Variants in LAMA2 observed in about 807,000 individuals in gnomAD.
The protein encoded by LAMA2 is laminin subunit alpha 2.
A neutral mutation model predicts 364.8 loss-of-function variants in LAMA2; 269 were observed. That is an observed-to-expected ratio of 0.74 (90% CI 0.67 to 0.82). LAMA2 has a LOEUF of 0.82. Among genes scored for constraint, LAMA2 ranks in the 40% least tolerant of loss-of-function variants. The probability of loss-of-function intolerance (pLI) is 0.00; values close to 1 mark genes in which losing one functional copy is unlikely to be tolerated. For missense variants in LAMA2, 3,807 were observed against 3,873.2 expected (o/e 0.98, Z 0.45); for synonymous variants, 1,379 against 1,370.6 (o/e 1.01, Z -0.14).
rs142989915 is a variant in LAMA2 at position 129,280,043 on chromosome 6, G to A, written c.2451-18G>A. On this transcript the variant is annotated intron_variant, in intron 17 of 64. Transcript: ENST00000421865. ...TCCTTCTTCCTTGTCCCTGTTTTCC[G>A]CAACAACATCAACATAGCTTTAGCC... is the stretch of plus-strand genomic sequence containing the variant. 2.5e-5 allele frequency: 39 copies of A among 1,573,122 alleles called. No homozygotes were observed. The highest frequency in any genetic ancestry group is 1.1e-4 in the East Asian group (5 of 44,680).
chr6:129,440,678 G>C (rs555452944), intron 42 of LAMA2, 138 bp from the exon 43 acceptor site: 3 of 798,890 alleles, frequency 3.8e-6, no homozygotes, highest in Admixed American at 2.0e-5. Flanking sequence ...TGCTACACCT[G>C]AATGAGACAA....
intron 13 of LAMA2, among the ~76,000 whole-genome samples, chr6:129,251,439 G>A (rs1786235462): frequency 6.6e-6 from 1 of 151,968 alleles, no homozygotes; most frequent in African/African-American, 2.4e-5. Context: ...TTCAATTCAA[G>A]GTGTTTGTAA....
At chr6:128,975,038 G>C (rs1313349060) in intron 1 of LAMA2, among the ~76,000 whole-genome samples, 4 of 152,038 alleles carry the variant, frequency 2.6e-5, no homozygotes, top group Non-Finnish European at 5.9e-5. Context: ...ATTTTTAGTA[G>C]AGACGAGGTT....
chr6:129,200,339 C>CACATATACATGT lies in LAMA2; in HGVS notation c.1782+7486_1782+7487insACATATACATGT, dbSNP rs1562324515. Among the ~76,000 whole-genome samples the CACATATACATGT allele has an allele frequency of 7.4e-3, 866 of 116,832 alleles. 108 individuals are homozygous for CACATATACATGT. The highest frequency in any genetic ancestry group is 9.7e-3 in the Middle Eastern group (2 of 206). 76.6% of individuals were successfully genotyped at this position (116,832 alleles called of 152,430 possible). A position where few individuals can be genotyped will look rare whatever the true frequency, so the allele number is the denominator to read the frequency against. ...ATACGTGTACACATATACATATACA[C>CACATATACATGT]GTATATGTGTACACATATACATATA... On this transcript the variant is annotated intron_variant, in intron 12 of 64. Coordinates refer to ENST00000421865, the MANE Select transcript of LAMA2 (RefSeq NM_000426.4).
intron 29 of LAMA2, among the ~76,000 whole-genome samples, chr6:129,331,663 T>C (rs1049142214): frequency 1.3e-5 from 2 of 152,042 alleles, no homozygotes; most frequent in Non-Finnish European, 2.9e-5. Context: ...ACTTTTTTTT[T>C]CCATCTTAAA....
At chr6:129,218,305 C>A (rs1288576537) in intron 12 of LAMA2, among the ~76,000 whole-genome samples, 1 of 152,164 alleles carries the variant, frequency 6.6e-6, no homozygotes, top group South Asian at 2.1e-4. Context: ...CTTGTAGTGA[C>A]CCTCCCTGTA....
Position 129,250,182 on chromosome 6 carries a change from A to AACGTGTTC in LAMA2, c.1854_1861dup (p.Leu621HisfsTer7), listed in dbSNP as rs202247791. The AACGTGTTC allele has an allele frequency of 3.7e-6, 6 of 1,603,844 alleles. No individual in the cohort carries two copies. The Admixed American group carries it at 5.0e-5, about 13-fold the overall frequency. ...CTTGAAGAAGAGGAAGAAGATACAG[A>AACGTGTTC]ACGTGTTCTCCAGCTTATGATTATC... On this transcript the variant is annotated frameshift_variant, in exon 13 of 65. Coordinates refer to ENST00000421865, the MANE Select transcript of LAMA2 (RefSeq NM_000426.4). LOFTEE classifies it high-confidence loss of function.
rs114175041 is a variant in LAMA2 at position 129,308,451 on chromosome 6, A to T, written c.3175-4410A>T. Reference sequence around the variant, plus strand: ...GTTGATACCTCATGTTCAAGATATAAATCAGGATAAAATACATTCCAAGTT... The same window carrying T: ...GTTGATACCTCATGTTCAAGATATATATCAGGATAAAATACATTCCAAGTT... On this transcript the variant is annotated intron_variant, in intron 22 of 64. Coordinates refer to ENST00000421865, the MANE Select transcript of LAMA2 (RefSeq NM_000426.4). 4.2e-3 allele frequency among the ~76,000 whole-genome samples: 644 copies of T among 152,322 alleles called. 3 individuals are homozygous for T. Among genetic ancestry groups the T allele is most frequent in the African/African-American group, 0.015 (619 of 41,554 alleles).
chr6:129,457,319 A>G (rs1443305363), intron 48 of LAMA2, among the ~76,000 whole-genome samples: 1 of 152,250 alleles, frequency 6.6e-6, no homozygotes, highest in Non-Finnish European at 1.5e-5. Context: ...CGTTTCTTAG[A>G]ACTTCATATA....
At chr6:129,231,247 G>C in intron 12 of LAMA2, among the ~76,000 whole-genome samples, 1 of 152,014 alleles carries the variant, frequency 6.6e-6, no homozygotes, top group African/African-American at 2.4e-5. Flanking sequence ...AACAAAGAAG[G>C]CATAGGTTAT....
intron 1 of LAMA2, among the ~76,000 whole-genome samples, chr6:128,997,457 T>A (rs571067270): frequency 4.3e-4 from 66 of 152,166 alleles, no homozygotes; most frequent in South Asian, 1.9e-3. Flanking sequence ...ATAGTATTAG[T>A]CAAAGTTGAA....
At chr6:129,507,248 C>A (rs912164404) in intron 61 of LAMA2, among the ~76,000 whole-genome samples, 4 of 152,066 alleles carry the variant, frequency 2.6e-5, no homozygotes, top group Non-Finnish European at 5.9e-5. Flanking sequence ...AGTATTTAGA[C>A]TATGAGAACA....
chr6:129,166,021 C>G (rs964958731), intron 9 of LAMA2, among the ~76,000 whole-genome samples: 1 of 152,110 alleles, frequency 6.6e-6, no homozygotes, highest in South Asian at 2.1e-4. Flanking sequence ...TTTGTAGCTT[C>G]TATGAGTTCT....
At chr6:129,407,457 T>C (rs1242782621) in intron 40 of LAMA2, among the ~76,000 whole-genome samples, 1 of 152,166 alleles carries the variant, frequency 6.6e-6, no homozygotes, top group Non-Finnish European at 1.5e-5. Context: ...AATGCTGATA[T>C]GAAGTCAATA....
intron 1 of LAMA2, among the ~76,000 whole-genome samples, chr6:128,952,913 G>A (rs1780919447): frequency 6.6e-6 from 1 of 152,140 alleles, no homozygotes; most frequent in African/African-American, 2.4e-5. Context: ...TCTCTTCTAA[G>A]CTTTCCTCTT....
chr6:129,223,049 A>G (rs531037536), intron 12 of LAMA2, among the ~76,000 whole-genome samples: 2 of 152,208 alleles, frequency 1.3e-5, no homozygotes, highest in African/African-American at 4.8e-5. Context: ...CTGGTGTAGG[A>G]TGGTATCTCA....
chr6:128,925,853 C>A (rs1010623187), intron 1 of LAMA2, among the ~76,000 whole-genome samples: 4 of 151,852 alleles, frequency 2.6e-5, no homozygotes, highest in Admixed American at 2.6e-4. Flanking sequence ...TAATGCATAT[C>A]TTGTTCTGCA....
chr6:129,341,930 C>T (rs1212549887), intron 29 of LAMA2, among the ~76,000 whole-genome samples: 1 of 152,204 alleles, frequency 6.6e-6, no homozygotes, highest in Non-Finnish European at 1.5e-5. Flanking sequence ...GTGCCAAGGC[C>T]ACAGTATTTG....
At chr6:129,033,670 T>C (rs1216931367) in intron 1 of LAMA2, among the ~76,000 whole-genome samples, 1 of 152,166 alleles carries the variant, frequency 6.6e-6, no homozygotes, top group Non-Finnish European at 1.5e-5. Flanking sequence ...TTGCTTTATA[T>C]TTTGAGTTTA....
Sources: allele counts gnomAD v4.1 joint callset (sites outside exome capture counted in the v4.1 genomes callset), GRCh38; gene constraint gnomAD v4.1.1; transcripts MANE v1.5; gene names NCBI Gene and HGNC (gene_info 2026-07-23, HGNC 2026-07-21).